TFCP2L1: variants seen among roughly 807,000 people sequenced by gnomAD.
TFCP2L1 encodes transcription factor CP2-like protein 1.
TFCP2L1 carries 12 observed loss-of-function variants against 72.2 expected under a neutral mutation model. The ratio of observed to expected loss-of-function variants is 0.17; its 90% CI spans 0.11 to 0.27. The LOEUF (loss-of-function observed/expected upper bound fraction) is 0.27. Ranked by LOEUF, TFCP2L1 falls within the 10% of genes least tolerant of loss-of-function variation. The probability of loss-of-function intolerance (pLI) is 1.00; values close to 1 mark genes in which losing one functional copy is unlikely to be tolerated. For missense variants in TFCP2L1, 488 were observed against 624.6 expected, an observed-to-expected ratio of 0.78 and a Z score of 2.33; for synonymous variants, 260 against 251.0, an observed-to-expected ratio of 1.04 and a Z score of -0.34.
chr2:121,283,476 C>T (rs1687305141), intron 1 of TFCP2L1, among the ~76,000 whole-genome samples: 1 of 152,140 alleles, frequency 6.6e-6, no homozygotes, highest in Non-Finnish European at 1.5e-5. Flanking sequence ...CCATGGTCCC[C>T]CGATGACCCC....
At chr2:121,238,810 T>C (rs1686302938) in intron 8 of TFCP2L1, among the ~76,000 whole-genome samples, 1 of 152,074 alleles carries the variant, frequency 6.6e-6, no homozygotes, top group African/African-American at 2.4e-5. Context: ...TTTCTGTGTC[T>C]ACCCCCGCTT....
At chr2:121,238,416 G>A (rs1037258573) in intron 8 of TFCP2L1, among the ~76,000 whole-genome samples, 2 of 152,204 alleles carry the variant, frequency 1.3e-5, no homozygotes, top group African/African-American at 4.8e-5. Flanking sequence ...AAGCTTCCTC[G>A]GGGGCCAGGT....
At position 121,224,167 on chromosome 2, in the gene TFCP2L1, A is replaced by G. The variant is rs541730582; in HGVS notation, c.*174T>C. On this transcript the variant is annotated 3_prime_UTR_variant, in exon 15 of 15. Transcript: ENST00000263707. ...GAGCCACTGGCTTTCTGTACACCGT[A>G]CTTGGTGTCCACAGGCTTCTGCTGG... 4.6e-6 allele frequency: 3 copies of G among 653,232 alleles called. No homozygotes were observed. The highest frequency in any genetic ancestry group is 8.0e-6 in the Non-Finnish European group (3 of 375,878). The allele number at this position is 653,232 out of a possible 1,614,324, so 40.5% of individuals were successfully genotyped here. A position where few individuals can be genotyped will look rare whatever the true frequency, so the allele number is the denominator to read the frequency against.
intron 2 of TFCP2L1, among the ~76,000 whole-genome samples, chr2:121,276,599 C>T: frequency 6.7e-6 from 1 of 149,872 alleles, no homozygotes; most frequent in Non-Finnish European, 1.5e-5. Context: ...AGCTACTGCA[C>T]TCCAGTCGGG....
Position 121,264,795 on chromosome 2 carries a change from T to C in TFCP2L1, c.215-15148A>G, listed in dbSNP as rs1461002710. On this transcript the variant is annotated intron_variant, in intron 2 of 14. Coordinates refer to ENST00000263707, the MANE Select transcript of TFCP2L1 (RefSeq NM_014553.3). ...CAGATGGCTGCCAGTCTGTTACCCA[T>C]ACCCTCTCCATCATAAAGACAGACA... Among the ~76,000 whole-genome samples the C allele has an allele frequency of 2.0e-5, 3 of 152,164 alleles. No homozygotes were observed. The East Asian group carries it at 5.8e-4, about 29-fold the overall frequency.
At chr2:121,254,556 G>C (rs540109343) in intron 2 of TFCP2L1, among the ~76,000 whole-genome samples, 2 of 152,320 alleles carry the variant, frequency 1.3e-5, no homozygotes. Context: ...TTTGGCCTTT[G>C]GGAGGCCAAG....
intron 7 of TFCP2L1, among the ~76,000 whole-genome samples, chr2:121,242,039 C>T (rs1009529198): frequency 1.4e-4 from 17 of 124,162 alleles, no homozygotes; most frequent in African/African-American, 5.4e-4. Flanking sequence ...TGTACACTCT[C>T]TTGTACCTTT....
At chr2:121,240,353 G>C (rs1305660034) in intron 7 of TFCP2L1, 1 of 985,280 alleles carries the variant, frequency 1.0e-6, no homozygotes. Flanking sequence ...GCTGGAGAAA[G>C]TCTATCCAGC....
chr2:121,225,679 C>T, intron 13 of TFCP2L1, 66 bp from the exon 14 acceptor site: 2 of 1,569,376 alleles, frequency 1.3e-6, no homozygotes, highest in East Asian at 4.5e-5. Flanking sequence ...GCCTCGGTGG[C>T]AGAGCCTAGC....
chr2:121,237,999 G>A (rs1191854661), intron 8 of TFCP2L1, 149 bp from the exon 9 acceptor site: 20 of 836,472 alleles, frequency 2.4e-5, no homozygotes, highest in Middle Eastern at 6.3e-4. Context: ...CTGAGTCACA[G>A]AAACACAGCA....
chr2:121,231,594 G>A (rs1379961759), intron 13 of TFCP2L1, among the ~76,000 whole-genome samples: 5 of 152,212 alleles, frequency 3.3e-5, no homozygotes, highest in East Asian at 1.9e-4. Flanking sequence ...GGCTCCCACC[G>A]GGCACCCAGC....
chr2:121,234,913 C>A (rs1686213119), intron 11 of TFCP2L1, among the ~76,000 whole-genome samples: 1 of 152,250 alleles, frequency 6.6e-6, no homozygotes. Context: ...ACACAAGCAT[C>A]TGAGAACATG....
At chr2:121,280,430 T>A (rs955901108) in intron 2 of TFCP2L1, among the ~76,000 whole-genome samples, 2 of 152,108 alleles carry the variant, frequency 1.3e-5, no homozygotes, top group African/African-American at 4.8e-5. Context: ...ACTCAGTGTA[T>A]GTCTTCAAAG....
intron 7 of TFCP2L1, among the ~76,000 whole-genome samples, chr2:121,242,040 T>C (rs1407234044): frequency 6.9e-6 from 1 of 145,914 alleles, no homozygotes; most frequent in Non-Finnish European, 1.5e-5. Context: ...GTACACTCTC[T>C]TGTACCTTTT....
intron 2 of TFCP2L1, among the ~76,000 whole-genome samples, chr2:121,269,918 A>AAAAAAAAAAAAAAAAAATATAT: frequency 8.7e-5 from 10 of 115,170 alleles, no homozygotes; most frequent in African/African-American, 1.9e-4. Context: ...AAAAAAAAAA[A>AAAAAAAAAAAAAAAAAATATAT]ATATATATAT....
At position 121,232,107 on chromosome 2, in the gene TFCP2L1, TTTTTGTTTTGTTTTGTTTTGTTTTG is replaced by T. The variant is rs3835787; in HGVS notation, c.1199-164_1199-140del. 404 of 533,534 alleles carry T rather than the reference TTTTTGTTTTGTTTTGTTTTGTTTTG, an allele frequency of 7.6e-4. 12 individuals carry two copies. In the South Asian group the frequency reaches 0.011, roughly 15 times the overall value. 33.0% of individuals were successfully genotyped at this position (533,534 alleles called of 1,614,324 possible). On this transcript the variant is annotated intron_variant, in intron 12 of 14. Coordinates refer to ENST00000263707, the MANE Select transcript of TFCP2L1 (RefSeq NM_014553.3). ...GCGGGGCAGGACCACACTGCCACTC[TTTTTGTTTTGTTTTGTTTTGTTTTG>T]TTTTGTTTTGTTTTGTTTTGTTTTG...
rs750414 is a variant in TFCP2L1, at chr2:121,240,246, G to T, written c.769-597C>A. 413 of 985,390 alleles carry T rather than the reference G, an allele frequency of 4.2e-4. 2 individuals carry two copies. The African/African-American group carries it at 6.9e-3, about 16-fold the overall frequency. 61.0% of individuals were successfully genotyped at this position (985,390 alleles called of 1,614,324 possible). On this transcript the variant is annotated intron_variant, in intron 7 of 14. Transcript: ENST00000263707. Reference sequence around the variant, plus strand: ...CTAAGGGAGATCCACAAACATGAAAGATGTGATCCTTGCCCTCGAAAACAT... The same window carrying T: ...CTAAGGGAGATCCACAAACATGAAATATGTGATCCTTGCCCTCGAAAACAT...
At chr2:121,246,645 G>A (rs1324133335) in intron 6 of TFCP2L1, among the ~76,000 whole-genome samples, 173 bp downstream of exon 6, 1 of 152,204 alleles carries the variant, frequency 6.6e-6, no homozygotes, top group African/African-American at 2.4e-5. Flanking sequence ...GCAGCCTGTG[G>A]TGCCTGGACT....
chr2:121,272,540 C>T (rs1032117693), intron 2 of TFCP2L1, among the ~76,000 whole-genome samples: 6 of 152,166 alleles, frequency 3.9e-5, no homozygotes, highest in African/African-American at 9.7e-5. Context: ...AAGCTACCAC[C>T]GTTTAACTCT....
Sources: gnomAD v4.1 joint callset for allele counts (sites outside exome capture counted in the v4.1 genomes callset) on GRCh38, gnomAD v4.1.1 for gene constraint, MANE v1.5 for transcripts, NCBI Gene and HGNC (gene_info 2026-07-23, HGNC 2026-07-21) for gene names.